The following RECK variants were observed in gnomAD, a reference collection of about 807,000 sequenced individuals.
RECK encodes the protein reversion inducing cysteine rich protein with kazal motifs.
RECK carries 69 observed loss-of-function variants against 115.1 expected under a neutral mutation model. That is an observed-to-expected ratio of 0.60 (90% confidence interval 0.49 to 0.73). The LOEUF is 0.73. Ranked by LOEUF, RECK falls within the 30% of genes least tolerant of loss-of-function variation. The pLI is 0.00. For synonymous variants in RECK, 414 were observed against 419.7 expected, an observed-to-expected ratio of 0.99 and a Z score of 0.17; for missense variants, 1,047 against 1,203.7, an observed-to-expected ratio of 0.87 and a Z score of 1.93.
chr9:36,089,240 A>G (rs1198295376), intron 9 of RECK, among the ~76,000 whole-genome samples: 1 of 152,186 alleles, frequency 6.6e-6, no homozygotes, highest in Non-Finnish European at 1.5e-5. Context: ...CCCACAAAAA[A>G]GTTTACACCT....
At chr9:36,044,980 G>A (rs1224061731) in intron 1 of RECK, among the ~76,000 whole-genome samples, 1 of 152,188 alleles carries the variant, frequency 6.6e-6, no homozygotes, top group Non-Finnish European at 1.5e-5. Context: ...CAGTCATATT[G>A]GTACTACAAT....
At chr9:36,114,514 C>T (rs1455409978) in intron 16 of RECK, among the ~76,000 whole-genome samples, 1 of 152,172 alleles carries the variant, frequency 6.6e-6, no homozygotes, top group African/African-American at 2.4e-5. Context: ...TGCACATACC[C>T]TTTGGATTAG....
rs1824531218 is a variant in RECK at position 36,123,319 on chromosome 9, G to C, written c.*274G>C. ...TATGATTTACATTTCCTCACCATAA[G>C]GGTCCCCCACTCTAAAGCAAATTTA... On this transcript the variant is annotated 3_prime_UTR_variant, in exon 21 of 21. Transcript: ENST00000377966. 5.8e-6 allele frequency: 2 copies of C among 347,422 alleles called. No individual in the cohort carries two copies. Among genetic ancestry groups the C allele is most frequent in the Admixed American group, 8.8e-5 (2 of 22,668 alleles). The allele number at this position is 347,422 out of a possible 1,614,324, so 21.5% of individuals were successfully genotyped here. A position where few individuals can be genotyped will look rare whatever the true frequency, so the allele number is the denominator to read the frequency against.
chr9:36,088,719 T>A (rs1351114844), intron 9 of RECK, among the ~76,000 whole-genome samples: 1 of 152,230 alleles, frequency 6.6e-6, no homozygotes, highest in East Asian at 1.9e-4. Flanking sequence ...CTTTGGCAAA[T>A]TTTTTAAAAG....
At chr9:36,045,287 T>C (rs1193565174) in intron 1 of RECK, among the ~76,000 whole-genome samples, 1 of 152,222 alleles carries the variant, frequency 6.6e-6, no homozygotes, top group East Asian at 1.9e-4. Flanking sequence ...TATTTATAAG[T>C]TAAAGTTGCA....
rs1192442417 is a variant in RECK at position 36,087,710 on chromosome 9, CAG to C, written c.657_658del (p.Arg219SerfsTer2). On this transcript the variant is annotated frameshift_variant, in exon 9 of 21. Coordinates refer to ENST00000377966, the MANE Select transcript of RECK (RefSeq NM_021111.3). LOFTEE classifies it high-confidence loss of function. ...NPTDSLYCCD[R>X]AEDHACQNAC... is the part of the protein sequence containing the mutation. ...AAAATGTAGGTTTATATTGCTGTGA[CAG>C]AGCTGAAGACCATGCTTGCCAAAAT... is the stretch of plus-strand genomic sequence containing the variant. 1 of 1,613,880 alleles carries C rather than the reference CAG, an allele frequency of 6.2e-7. No individual in the cohort carries two copies. The highest frequency in any genetic ancestry group is 1.7e-5 in the Admixed American group (1 of 60,006).
At chr9:36,109,235 G>A (rs1039983959) in intron 14 of RECK, among the ~76,000 whole-genome samples, 3 of 152,142 alleles carry the variant, frequency 2.0e-5, no homozygotes, top group Non-Finnish European at 2.9e-5. Context: ...AAACCGGGAC[G>A]GGGGATGAGA....
chr9:36,040,446 T>A (rs905359311), intron 1 of RECK, among the ~76,000 whole-genome samples: 8 of 152,098 alleles, frequency 5.3e-5, no homozygotes, highest in African/African-American at 1.9e-4. Flanking sequence ...AACAAAAGGT[T>A]ATATGGTTGG....
At chr9:36,105,348 A>G (rs1823758806) in intron 13 of RECK, 65 bp downstream of exon 13, 6 of 1,545,224 alleles carry the variant, frequency 3.9e-6, no homozygotes, top group Admixed American at 1.8e-5. Flanking sequence ...TATAGGAGCT[A>G]TCTTTCTTTT....
chr9:36,121,582 G>T lies in RECK; in HGVS notation c.2588G>T (p.Arg863Leu), dbSNP rs375728854. 6.2e-7 allele frequency: 1 copy of T among 1,614,002 alleles called. No homozygotes were observed. The highest frequency in any genetic ancestry group is 8.5e-7 in the Non-Finnish European group (1 of 1,179,886). ...GTTCTGGAAATACTTCAGAAAATCCGCATGCACGTGTCTGTCCCACAGTGT... is the reference window on the plus strand; with the variant it reads ...GTTCTGGAAATACTTCAGAAAATCCTCATGCACGTGTCTGTCCCACAGTGT... The part of the protein sequence containing the change: ...ITVLEILQKI[R>L]MHVSVPQCDV... The change falls in exon 20 of 21, where the codon CGC (arginine) becomes CTC (leucine). Residue 863 changes from arginine to leucine, a missense_variant. Coordinates refer to ENST00000377966, the MANE Select transcript of RECK (RefSeq NM_021111.3).
chr9:36,054,742 TAC>T (rs1821454053), intron 2 of RECK, among the ~76,000 whole-genome samples: 1 of 152,172 alleles, frequency 6.6e-6, no homozygotes, highest in African/African-American at 2.4e-5. Flanking sequence ...TTTTTGGACT[TAC>T]AAAAATGTAT....
intron 10 of RECK, among the ~76,000 whole-genome samples, chr9:36,095,179 G>A (rs895976819): frequency 6.6e-6 from 1 of 151,928 alleles, no homozygotes; most frequent in African/African-American, 2.4e-5. Flanking sequence ...CTGGGCAACA[G>A]AGCAAGACTC....
At chr9:36,118,695 T>C in intron 17 of RECK, 62 bp from the exon 18 acceptor site, 6 of 1,506,406 alleles carry the variant, frequency 4.0e-6, no homozygotes, top group Non-Finnish European at 5.5e-6. Flanking sequence ...TGCTGTGTAC[T>C]CTTGGTTGGG....
At chr9:36,080,784 G>T in intron 7 of RECK, 146 bp downstream of exon 7, 1 of 701,174 alleles carries the variant, frequency 1.4e-6, no homozygotes, top group East Asian at 2.7e-5. Flanking sequence ...TGTCTTAACT[G>T]TAGATCTACA....
rs778927587 is a variant in RECK at position 36,122,811 on chromosome 9, T to A, written c.2695-13T>A. 1.2e-6 allele frequency: 2 copies of A among 1,609,438 alleles called. No individual in the cohort carries two copies. The highest frequency in any genetic ancestry group is 1.7e-6 in the Non-Finnish European group (2 of 1,176,162). On this transcript the variant is annotated splice_polypyrimidine_tract_variant and intron_variant, in intron 20 of 20. Coordinates refer to ENST00000377966, the MANE Select transcript of RECK (RefSeq NM_021111.3). Reference sequence around the variant, plus strand: ...GTGGTTTTATATTAAGGGAACCTTGTTTCTCCTCACAGATTGAAGCCTGCA... The same window carrying A: ...GTGGTTTTATATTAAGGGAACCTTGATTCTCCTCACAGATTGAAGCCTGCA...
intron 9 of RECK, among the ~76,000 whole-genome samples, chr9:36,088,587 C>T (rs982710104): frequency 6.6e-6 from 1 of 152,144 alleles, no homozygotes; most frequent in Non-Finnish European, 1.5e-5. Flanking sequence ...CTCGGATATC[C>T]TGAAATGAAT....
chr9:36,107,129 A>G (rs1823851450), intron 13 of RECK, among the ~76,000 whole-genome samples: 1 of 148,688 alleles, frequency 6.7e-6, no homozygotes, highest in Non-Finnish European at 1.5e-5. Flanking sequence ...AAAAAAAAGG[A>G]ATTCAATTCA....
intron 1 of RECK, among the ~76,000 whole-genome samples, chr9:36,045,464 G>A (rs907414548): frequency 6.6e-6 from 1 of 151,598 alleles, no homozygotes; most frequent in Non-Finnish European, 1.5e-5. Context: ...TTTTTCTCCT[G>A]AAGTGTGTAA....
In RECK at chr9:36,036,930, A is replaced by C; in HGVS notation, c.-69A>C. 9.8e-7 allele frequency: 1 copy of C among 1,020,580 alleles called. No individual in the cohort carries two copies. The highest frequency in any genetic ancestry group is 1.3e-6 in the Non-Finnish European group (1 of 784,128). 63.2% of individuals were successfully genotyped at this position (1,020,580 alleles called of 1,614,324 possible). On this transcript the variant is annotated 5_prime_UTR_variant, in exon 1 of 21. Coordinates refer to ENST00000377966, the MANE Select transcript of RECK (RefSeq NM_021111.3). The stretch of plus-strand genomic sequence containing the variant: ...GGGGCCTCGCGCGAGCGGCGGCGGT[A>C]GCGGCGGCAGCGGCTGCGGCCAAGC...
Sources: gnomAD v4.1 joint callset for allele counts (sites outside exome capture counted in the v4.1 genomes callset) on GRCh38, gnomAD v4.1.1 for gene constraint, MANE v1.5 for transcripts, NCBI Gene and HGNC (gene_info 2026-07-23, HGNC 2026-07-21) for gene names.